Variants in PDZRN4 observed in about 807,000 individuals in gnomAD.
The protein encoded by PDZRN4 is PDZ domain-containing RING finger protein 4.
In PDZRN4, 70 loss-of-function variants were observed where a neutral mutation model predicts 99.0. The ratio of observed to expected loss-of-function variants is 0.71; its 90% CI spans 0.58 to 0.86. The LOEUF (loss-of-function observed/expected upper bound fraction) is 0.86, where lower values mean the gene tolerates loss of function less well. Ranked by LOEUF, PDZRN4 falls within the 40% of genes least tolerant of loss-of-function variation. PDZRN4 has a pLI of 0.00. For synonymous variants in PDZRN4, 551 were observed against 501.6 expected (o/e 1.10, Z -1.32); for missense variants, 1,474 against 1,331.2 (o/e 1.11, Z -1.67).
chr12:41,476,437 C>T (rs1231313906), intron 3 of PDZRN4, among the ~76,000 whole-genome samples: 1 of 152,162 alleles, frequency 6.6e-6, no homozygotes, highest in Non-Finnish European at 1.5e-5. Flanking sequence ...AAATGCCATT[C>T]TTTACAAAAG....
chr12:41,421,359 A>T (rs1056545356), intron 3 of PDZRN4, among the ~76,000 whole-genome samples: 8 of 151,928 alleles, frequency 5.3e-5, no homozygotes, highest in African/African-American at 1.9e-4. Context: ...CACCTGGTTG[A>T]TTTTTGTATT....
rs1939405667 is a variant in PDZRN4, at chr12:41,567,912, A to T, written c.1584+13A>T. Reference sequence around the variant, plus strand: ...TGAGGTGGAGCAGGTAGGGCCAACAATTTGAACTACATCATTTGATATGTT... The same window carrying T: ...TGAGGTGGAGCAGGTAGGGCCAACATTTTGAACTACATCATTTGATATGTT... On this transcript the variant is annotated intron_variant, in intron 9 of 9. Coordinates refer to ENST00000402685, the MANE Select transcript of PDZRN4 (RefSeq NM_001164595.2). 7.1e-7 allele frequency: 1 copy of T among 1,403,090 alleles called. No individual in the cohort carries two copies. The highest frequency in any genetic ancestry group is 1.0e-6 in the Non-Finnish European group (1 of 1,001,842). 86.9% of individuals were successfully genotyped at this position (1,403,090 alleles called of 1,614,324 possible).
chr12:41,437,472 C>A (rs1273242181), intron 3 of PDZRN4, among the ~76,000 whole-genome samples: 1 of 152,000 alleles, frequency 6.6e-6, no homozygotes, highest in Non-Finnish European at 1.5e-5. Context: ...CTATATGCAA[C>A]CCCTCTATCC....
At chr12:41,507,499 A>G (rs76744999) in intron 4 of PDZRN4, among the ~76,000 whole-genome samples, 12,442 of 152,150 alleles carry the variant, frequency 0.082, 1,213 homozygotes, top group East Asian at 0.31. Flanking sequence ...TCTCTACTTC[A>G]TAAAACAAAG....
chr12:41,194,810 A>C (rs1440405512), intron 3 of PDZRN4, among the ~76,000 whole-genome samples: 1 of 152,200 alleles, frequency 6.6e-6, no homozygotes, highest in Non-Finnish European at 1.5e-5. Flanking sequence ...TAAAGGATTA[A>C]TTATTATAAC....
At chr12:41,339,122 C>T (rs895691340) in intron 3 of PDZRN4, among the ~76,000 whole-genome samples, 32 of 117,722 alleles carry the variant, frequency 2.7e-4, no homozygotes, top group African/African-American at 8.0e-4. Flanking sequence ...AAAGTCATTC[C>T]GAGCAAAAAA....
rs1487025457 is a variant in PDZRN4, at chr12:41,566,615, C to T, written c.1468-1168C>T. The stretch of plus-strand genomic sequence containing the variant: ...GTTCTACATGGCCTTTAATAGATAT[C>T]ATGAAATCTATGATTTGCCTGCATA... On this transcript the variant is annotated intron_variant, in intron 8 of 9. Coordinates refer to ENST00000402685, the MANE Select transcript of PDZRN4 (RefSeq NM_001164595.2). 1.3e-5 allele frequency among the ~76,000 whole-genome samples: 2 copies of T among 152,130 alleles called. 1 individual carries two copies. The highest frequency in any genetic ancestry group is 1.3e-4 in the Admixed American group (2 of 15,252).
chr12:41,305,789 T>C (rs1054169496), intron 3 of PDZRN4, among the ~76,000 whole-genome samples: 1 of 152,216 alleles, frequency 6.6e-6, no homozygotes, highest in Non-Finnish European at 1.5e-5. Flanking sequence ...GTCCTTCTCA[T>C]ATGTAAAATA....
At chr12:41,510,472 A>G (rs1163485897) in intron 5 of PDZRN4, among the ~76,000 whole-genome samples, 1 of 152,162 alleles carries the variant, frequency 6.6e-6, no homozygotes, top group Non-Finnish European at 1.5e-5. Context: ...ACTGTGATAT[A>G]TAACAATTCG....
chr12:41,527,302 G>C (rs1024989062), intron 5 of PDZRN4, among the ~76,000 whole-genome samples: 10 of 152,162 alleles, frequency 6.6e-5, no homozygotes, highest in African/African-American at 2.2e-4. Context: ...GACATGACTG[G>C]ACCATGGGCA....
chr12:41,394,907 G>A (rs1430215168), intron 3 of PDZRN4, among the ~76,000 whole-genome samples: 4 of 152,018 alleles, frequency 2.6e-5, no homozygotes, highest in East Asian at 1.9e-4. Flanking sequence ...GCACACCATC[G>A]CTTCTGCTAT....
At chr12:41,400,549 T>C (rs1414052890) in intron 3 of PDZRN4, among the ~76,000 whole-genome samples, 1 of 152,134 alleles carries the variant, frequency 6.6e-6, no homozygotes, top group Non-Finnish European at 1.5e-5. Flanking sequence ...ATATACTACA[T>C]ATGTTCTGTT....
chr12:41,265,910 C>T (rs149899986), intron 3 of PDZRN4, among the ~76,000 whole-genome samples: 264 of 151,900 alleles, frequency 1.7e-3, no homozygotes, highest in African/African-American at 6.0e-3. Context: ...CTAATATCTA[C>T]GTAAAATGCA....
intron 3 of PDZRN4, among the ~76,000 whole-genome samples, chr12:41,372,650 A>G (rs951170245): frequency 6.6e-6 from 1 of 152,162 alleles, no homozygotes; most frequent in Non-Finnish European, 1.5e-5. Context: ...TTGCATAACT[A>G]TTCACATAGG....
chr12:41,374,319 T>C (rs1236033362), intron 3 of PDZRN4, among the ~76,000 whole-genome samples: 1 of 152,048 alleles, frequency 6.6e-6, no homozygotes. Context: ...GGAGTAAAGG[T>C]AAGTCATTTT....
intron 3 of PDZRN4, among the ~76,000 whole-genome samples, chr12:41,381,166 C>A (rs995974592): frequency 2.6e-5 from 4 of 152,146 alleles, no homozygotes; most frequent in Admixed American, 2.0e-4. Context: ...TCACTTTTGG[C>A]AATTTTATTA....
intron 7 of PDZRN4, among the ~76,000 whole-genome samples, chr12:41,557,247 C>A (rs1451664039): frequency 1.3e-5 from 2 of 151,034 alleles, no homozygotes. Flanking sequence ...ACCAGAGGTG[C>A]TTTGGGATGG....
At chr12:41,366,500 T>C (rs542930455) in intron 3 of PDZRN4, among the ~76,000 whole-genome samples, 16 of 152,114 alleles carry the variant, frequency 1.1e-4, no homozygotes, top group Non-Finnish European at 2.2e-4. Flanking sequence ...ATATATTGTG[T>C]ACTGGACAAT....
chr12:41,268,321 C>G (rs1053644560), intron 3 of PDZRN4, among the ~76,000 whole-genome samples: 3 of 152,178 alleles, frequency 2.0e-5, no homozygotes, highest in African/African-American at 7.2e-5. Flanking sequence ...AATTTACAGT[C>G]CTTCATATTG....
Sources: allele counts gnomAD v4.1 joint callset (sites outside exome capture counted in the v4.1 genomes callset), GRCh38; gene constraint gnomAD v4.1.1; transcripts MANE v1.5; gene names NCBI Gene and HGNC (gene_info 2026-07-23, HGNC 2026-07-21).